Variants in MARCHF2 observed in about 807,000 individuals in gnomAD.
MARCHF2 encodes membrane associated ring-CH-type finger 2.
A neutral mutation model predicts 24.0 loss-of-function variants in MARCHF2; 22 were observed. The observed-to-expected ratio is 0.92, with a 90% confidence interval of 0.66 to 1.31. The LOEUF is 1.31. Among genes scored for constraint, MARCHF2 ranks in the 50% most tolerant of loss-of-function variants. The pLI, the probability that MARCHF2 is intolerant of heterozygous loss-of-function variation, is 0.00. For synonymous variants in MARCHF2, 154 were observed against 153.0 expected (o/e 1.01, Z -0.05); for missense variants, 301 against 335.3 (o/e 0.90, Z 0.80).
intron 4 of MARCHF2, among the ~76,000 whole-genome samples, chr19:8,434,015 A>G (rs1599716500): frequency 1.3e-5 from 2 of 150,542 alleles, no homozygotes; most frequent in Non-Finnish European, 3.0e-5. Flanking sequence ...AGACATAACC[A>G]CTATTGTCCA....
intron 4 of MARCHF2, among the ~76,000 whole-genome samples, chr19:8,431,641 A>C (rs1486255316): frequency 2.6e-5 from 4 of 152,044 alleles, no homozygotes; most frequent in Non-Finnish European, 4.4e-5. Context: ...GTTCAAGACC[A>C]GCCTGGCCAA....
At chr19:8,425,259 G>A (rs1275448492) in intron 2 of MARCHF2, among the ~76,000 whole-genome samples, 1 of 151,906 alleles carries the variant, frequency 6.6e-6, no homozygotes, top group Non-Finnish European at 1.5e-5. Flanking sequence ...GCATGTGCCT[G>A]TAGTCTCAGC....
At chr19:8,413,799 G>T (rs1266621945) in intron 1 of MARCHF2, 1 of 152,230 alleles carries the variant, frequency 6.6e-6, no homozygotes, top group Admixed American at 6.5e-5. Context: ...AAAATAGTAA[G>T]TTATAATATA....
Position 8,438,668 on chromosome 19 carries a change from C to T in MARCHF2, c.*122C>T, listed in dbSNP as rs1967797590. ...CAGTTCCCGCACGGCCTGAACGCTT[C>T]TTAGGCCAAGAGACACCATGCAGAG... On this transcript the variant is annotated 3_prime_UTR_variant, in exon 5 of 5. Coordinates refer to ENST00000215555, the MANE Select transcript of MARCHF2 (RefSeq NM_001005415.2). The T allele has an allele frequency of 1.9e-6, 2 of 1,028,686 alleles. No homozygotes were observed. Among genetic ancestry groups the T allele is most frequent in the East Asian group, 5.3e-5 (2 of 37,466 alleles). 63.7% of individuals were successfully genotyped at this position (1,028,686 alleles called of 1,614,324 possible). A position where few individuals can be genotyped will look rare whatever the true frequency, so the allele number is the denominator to read the frequency against.
chr19:8,421,641 C>A, intron 1 of MARCHF2, 148 bp from the exon 2 acceptor site: 1 of 505,216 alleles, frequency 2.0e-6, no homozygotes, highest in Non-Finnish European at 3.5e-6. Flanking sequence ...ACTGGCCCTA[C>A]AGAGGCCCAT....
intron 4 of MARCHF2, 140 bp from the exon 5 acceptor site, chr19:8,438,248 G>T: frequency 1.2e-6 from 1 of 831,848 alleles, no homozygotes; most frequent in Non-Finnish European, 1.9e-6. Flanking sequence ...GCACTTTGTG[G>T]GAGGAATGTT....
intron 4 of MARCHF2, among the ~76,000 whole-genome samples, chr19:8,435,745 G>A (rs918854918): frequency 6.6e-6 from 1 of 150,662 alleles, no homozygotes; most frequent in African/African-American, 2.4e-5. Context: ...TTGCTATGTT[G>A]TTGTATCTGG....
chr19:8,418,017 G>T (rs997646037), intron 1 of MARCHF2, among the ~76,000 whole-genome samples: 1 of 151,186 alleles, frequency 6.6e-6, no homozygotes, highest in African/African-American at 2.4e-5. Flanking sequence ...GCCCACCTCG[G>T]CCTCCCAAAG....
chr19:8,416,089 A>C (rs1237049479), intron 1 of MARCHF2, among the ~76,000 whole-genome samples: 3 of 152,102 alleles, frequency 2.0e-5, no homozygotes, highest in African/African-American at 7.2e-5. Flanking sequence ...CATGCCTGTA[A>C]TCCCAGCACT....
Position 8,432,002 on chromosome 19 carries a change from C to G in MARCHF2, c.582+1135C>G, listed in dbSNP as rs1967599330. ...TGAAACCCCATCTCTACTAAAAATA[C>G]AAAAAATTAACCTGGTGTGGTGGCA... On this transcript the variant is annotated intron_variant, in intron 4 of 4. Coordinates refer to ENST00000215555, the MANE Select transcript of MARCHF2 (RefSeq NM_001005415.2). Among the ~76,000 whole-genome samples, 5 of 151,312 alleles carry G rather than the reference C, an allele frequency of 3.3e-5. No homozygotes were observed. The South Asian group carries it at 1.0e-3, about 32-fold the overall frequency.
Position 8,438,931 on chromosome 19 carries a change from C to T in MARCHF2, c.*385C>T, listed in dbSNP as rs1967807128. The T allele has an allele frequency of 5.9e-6, 1 of 168,170 alleles. No individual in the cohort carries two copies. Among genetic ancestry groups the T allele is most frequent in the Admixed American group, 6.0e-5 (1 of 16,530 alleles). The allele number at this position is 168,170 out of a possible 1,614,324, so 10.4% of individuals were successfully genotyped here. A position where few individuals can be genotyped will look rare whatever the true frequency, so the allele number is the denominator to read the frequency against. ...TCTCTGCACCCGGCAGGCCCACTTTCCTGGCACCCTCGACTTTATATAAAA... is the reference window on the plus strand; with the variant it reads ...TCTCTGCACCCGGCAGGCCCACTTTTCTGGCACCCTCGACTTTATATAAAA... On this transcript the variant is annotated 3_prime_UTR_variant, in exon 5 of 5. Coordinates refer to ENST00000215555, the MANE Select transcript of MARCHF2 (RefSeq NM_001005415.2).
chr19:8,426,800 C>A lies in MARCHF2; in HGVS notation c.368C>A (p.Thr123Lys). ...GTGGAGAAACGGCCTCGACCCCTCACAGAGGTACCCTTAAGAGTCTGAGAC... is the reference window on the plus strand; with the variant it reads ...GTGGAGAAACGGCCTCGACCCCTCAAAGAGGTACCCTTAAGAGTCTGAGAC... ...FAVEKRPRPL[T>K]EWLKDPGPRT... is the part of the protein sequence containing the mutation. Residue 123 changes from threonine (T) to lysine (K), a missense_variant, in exon 3 of 5, where the codon ACA becomes AAA. Thr to Lys is a moderately conservative substitution (Grantham distance 78). Coordinates refer to ENST00000215555, the MANE Select transcript of MARCHF2 (RefSeq NM_001005415.2). 1 of 1,611,874 alleles carries A rather than the reference C, an allele frequency of 6.2e-7. No individual in the cohort carries two copies. Among genetic ancestry groups the A allele is most frequent in the Non-Finnish European group, 8.5e-7 (1 of 1,179,866 alleles).
At chr19:8,433,274 G>A (rs567758449) in intron 4 of MARCHF2, among the ~76,000 whole-genome samples, 2 of 151,918 alleles carry the variant, frequency 1.3e-5, no homozygotes, top group Non-Finnish European at 2.9e-5. Flanking sequence ...TGGGTGCAGT[G>A]GCTCATGCCT....
intron 3 of MARCHF2, among the ~76,000 whole-genome samples, chr19:8,427,052 CCTT>C (rs1258022434): frequency 3.9e-5 from 6 of 151,956 alleles, no homozygotes; most frequent in South Asian, 2.1e-4. Context: ...TCTTCCTTCT[CCTT>C]CTTCTTTTTT....
At chr19:8,422,478 C>T (rs1223122879) in intron 2 of MARCHF2, among the ~76,000 whole-genome samples, 3 of 151,812 alleles carry the variant, frequency 2.0e-5, no homozygotes, top group African/African-American at 7.3e-5. Context: ...CTGAAACCTC[C>T]GCCTCCCAGG....
At position 8,430,534 on chromosome 19, in the gene MARCHF2, CAAAA is replaced by C. The variant is rs1050580104; in HGVS notation, c.373-113_373-110del. The C allele has an allele frequency of 1.4e-5, 9 of 636,294 alleles. No homozygotes were observed. Among genetic ancestry groups the C allele is most frequent in the Admixed American group, 3.2e-5 (1 of 31,718 alleles). The allele number at this position is 636,294 out of a possible 1,614,324, so 39.4% of individuals were successfully genotyped here. A position where few individuals can be genotyped will look rare whatever the true frequency, so the allele number is the denominator to read the frequency against. On this transcript the variant is annotated intron_variant, in intron 3 of 4. Coordinates refer to ENST00000215555, the MANE Select transcript of MARCHF2 (RefSeq NM_001005415.2). This position sits in a 1 kb window ranked among gnomAD's most constrained non-coding sequence, Gnocchi z 4.4. ...TGGGCAACAGAGTGAGAATCTGTCT[CAAAA>C]AAAAAAAAAAGAAAGAAGGAAAGGA...
rs188090409 is a variant in MARCHF2 at position 8,434,792 on chromosome 19, C to T, written c.583-3596C>T. Among the ~76,000 whole-genome samples, 39 of 152,168 alleles carry T rather than the reference C, an allele frequency of 2.6e-4. No individual in the cohort carries two copies. In the East Asian group the frequency reaches 4.6e-3, roughly 18 times the overall value. On this transcript the variant is annotated intron_variant, in intron 4 of 4. Transcript: ENST00000215555. ...TGCAATCTCAGTTTACTGCAACTTC[C>T]GCCTCCCGGGTTCAAGCAGTCCTCA... is the stretch of plus-strand genomic sequence containing the variant.
chr19:8,414,276 C>CTT (rs369745765), intron 1 of MARCHF2, among the ~76,000 whole-genome samples: 1 of 145,142 alleles, frequency 6.9e-6, no homozygotes, highest in African/African-American at 2.5e-5. Flanking sequence ...GACTCCCCGT[C>CTT]TTTTTTTTTT....
At chr19:8,437,149 T>G (rs977682445) in intron 4 of MARCHF2, among the ~76,000 whole-genome samples, 2 of 151,992 alleles carry the variant, frequency 1.3e-5, no homozygotes, top group African/African-American at 4.8e-5. Context: ...CTGGCTAATT[T>G]TTAAATATTT....
Sources: gnomAD v4.1 joint callset for allele counts (sites outside exome capture counted in the v4.1 genomes callset) on GRCh38, gnomAD v4.1.1 for gene constraint, Gnocchi (gnomAD v3.1) non-coding constraint, MANE v1.5 for transcripts, NCBI Gene and HGNC (gene_info 2026-07-23, HGNC 2026-07-21) for gene names.